GRID2: variants seen among roughly 807,000 people sequenced by gnomAD.
GRID2 encodes glutamate receptor ionotropic, delta-2.
In GRID2, 33 loss-of-function variants were observed where a neutral mutation model predicts 114.8. The ratio of observed to expected loss-of-function variants is 0.29; its 90% CI spans 0.22 to 0.38. GRID2 has a LOEUF of 0.38. Ranked by LOEUF, GRID2 falls within the 10% of genes least tolerant of loss-of-function variation. The probability of loss-of-function intolerance (pLI) is 1.00; values close to 1 mark genes in which losing one functional copy is unlikely to be tolerated. For missense variants in GRID2, 1,184 were observed against 1,257.7 expected (o/e 0.94, Z 0.89); for synonymous variants, 505 against 449.9 (o/e 1.12, Z -1.55).
At chr4:93,759,992 C>T (rs553210367) in intron 14 of GRID2, among the ~76,000 whole-genome samples, 24 of 152,312 alleles carry the variant, frequency 1.6e-4, no homozygotes, top group Non-Finnish European at 3.1e-4. Flanking sequence ...GAATGTATCA[C>T]TTTCCAGCCA....
chr4:93,302,401 G>T (rs539177020), intron 8 of GRID2, among the ~76,000 whole-genome samples: 22 of 152,300 alleles, frequency 1.4e-4, no homozygotes, highest in Admixed American at 1.3e-3. Context: ...CCCATGGGCC[G>T]CATGAATACA....
intron 2 of GRID2, among the ~76,000 whole-genome samples, chr4:92,698,830 T>C (rs1734537966): frequency 6.6e-6 from 1 of 152,114 alleles, no homozygotes; most frequent in African/African-American, 2.4e-5. Flanking sequence ...TGTGTATCTA[T>C]TAAAAGACAA....
At chr4:93,488,117 A>T (rs192747308) in intron 11 of GRID2, among the ~76,000 whole-genome samples, 1 of 152,044 alleles carries the variant, frequency 6.6e-6, no homozygotes. Context: ...TCATAAATTT[A>T]TTGTTCTAAT....
chr4:93,224,109 A>G (rs1164714701), intron 6 of GRID2, among the ~76,000 whole-genome samples: 2 of 152,174 alleles, frequency 1.3e-5, no homozygotes, highest in Non-Finnish European at 2.9e-5. Flanking sequence ...TTCATTTAAG[A>G]ATCTCCATAT....
chr4:93,508,822 C>G (rs1728895771), intron 12 of GRID2, among the ~76,000 whole-genome samples: 2 of 151,984 alleles, frequency 1.3e-5, no homozygotes, highest in Admixed American at 1.3e-4. Context: ...GAACATATTC[C>G]AAGTGTTAGA....
intron 14 of GRID2, among the ~76,000 whole-genome samples, chr4:93,707,524 T>C (rs1222909231): frequency 6.6e-6 from 1 of 151,892 alleles, no homozygotes; most frequent in Non-Finnish European, 1.5e-5. Flanking sequence ...ATCTTTTGAA[T>C]TTCTACAATA....
At chr4:93,071,758 G>A (rs1364651100) in intron 2 of GRID2, among the ~76,000 whole-genome samples, 1 of 152,132 alleles carries the variant, frequency 6.6e-6, no homozygotes, top group African/African-American at 2.4e-5. Context: ...AGCTTATAAA[G>A]GGCCTATGGG....
chr4:93,134,696 T>G (rs1278034245), intron 4 of GRID2, among the ~76,000 whole-genome samples: 1 of 152,120 alleles, frequency 6.6e-6, no homozygotes, highest in African/African-American at 2.4e-5. Flanking sequence ...AAATTAAAAT[T>G]TGATTTTTTA....
At position 93,558,596 on chromosome 4, in the gene GRID2, G is replaced by A. The variant is rs185958787; in HGVS notation, c.2193+43185G>A. On this transcript the variant is annotated intron_variant, in intron 13 of 15. Transcript: ENST00000282020. The stretch of plus-strand genomic sequence containing the variant: ...TCTGAAATTGAGGCAGTTATTAATG[G>A]CCTACCAACCGAAAAATGCCCAGAA... Among the ~76,000 whole-genome samples, 62 of 152,168 alleles carry A rather than the reference G, an allele frequency of 4.1e-4. 1 individual carries two copies. In the East Asian group the frequency reaches 7.2e-3, roughly 18 times the overall value.
At chr4:92,466,049 GTTTATA>G (rs534064628) in intron 1 of GRID2, among the ~76,000 whole-genome samples, 56 of 151,698 alleles carry the variant, frequency 3.7e-4, no homozygotes, top group South Asian at 4.1e-4. Flanking sequence ...ACATACCAAT[GTTTATA>G]TTTATAGATA....
chr4:93,753,904 A>G (rs1732536437), intron 14 of GRID2, among the ~76,000 whole-genome samples: 1 of 152,190 alleles, frequency 6.6e-6, no homozygotes, highest in Non-Finnish European at 1.5e-5. Context: ...ATTTTTATAC[A>G]GTCATGGATC....
intron 1 of GRID2, among the ~76,000 whole-genome samples, chr4:92,385,701 AAAAC>A (rs1223369083): frequency 3.3e-5 from 5 of 151,530 alleles, no homozygotes; most frequent in Admixed American, 1.3e-4. Flanking sequence ...ATTTGTTTAA[AAAAC>A]AAATAGGTTA....
intron 2 of GRID2, among the ~76,000 whole-genome samples, chr4:92,712,556 A>T (rs1735308462): frequency 6.6e-6 from 1 of 152,144 alleles, no homozygotes; most frequent in Non-Finnish European, 1.5e-5. Flanking sequence ...TTCCATATAT[A>T]GTATATAGAA....
intron 2 of GRID2, among the ~76,000 whole-genome samples, chr4:92,881,629 T>C (rs975214578): frequency 6.6e-6 from 1 of 152,188 alleles, no homozygotes; most frequent in Non-Finnish European, 1.5e-5. Flanking sequence ...AAATGGAAGG[T>C]TGCAGTGCTT....
At chr4:92,910,749 A>G (rs1258732172) in intron 2 of GRID2, among the ~76,000 whole-genome samples, 2 of 152,112 alleles carry the variant, frequency 1.3e-5, no homozygotes, top group East Asian at 1.9e-4. Flanking sequence ...GCACTTGCAT[A>G]TAACCTATGC....
intron 1 of GRID2, among the ~76,000 whole-genome samples, chr4:92,577,736 A>G (rs528565889): frequency 1.3e-5 from 2 of 152,298 alleles, no homozygotes; most frequent in African/African-American, 4.8e-5. Flanking sequence ...TTCTTCTATA[A>G]AGGAGTTGAA....
intron 1 of GRID2, among the ~76,000 whole-genome samples, chr4:92,516,812 T>G (rs1724523831): frequency 6.6e-6 from 1 of 151,940 alleles, no homozygotes; most frequent in African/African-American, 2.4e-5. Context: ...CACTCTCATC[T>G]TCTTTATACC....
chr4:93,347,054 G>A (rs1760312286), intron 8 of GRID2, among the ~76,000 whole-genome samples: 3 of 152,012 alleles, frequency 2.0e-5, no homozygotes, highest in Non-Finnish European at 2.9e-5. Flanking sequence ...TCACCACTGC[G>A]GCGCGGAGCT....
At chr4:92,365,867 C>T (rs1256002125) in intron 1 of GRID2, among the ~76,000 whole-genome samples, 1 of 152,044 alleles carries the variant, frequency 6.6e-6, no homozygotes, top group Non-Finnish European at 1.5e-5. Flanking sequence ...GTAATCACTT[C>T]TCTGCCACTC....
Sources: gnomAD v4.1 joint callset for allele counts (sites outside exome capture counted in the v4.1 genomes callset) on GRCh38, gnomAD v4.1.1 for gene constraint, MANE v1.5 for transcripts, NCBI Gene and HGNC (gene_info 2026-07-23, HGNC 2026-07-21) for gene names.